The following AGO2 variants were observed in gnomAD, a reference collection of about 807,000 sequenced individuals.
The protein encoded by AGO2 is argonaute RISC catalytic component 2, also known as protein argonaute-2.
In AGO2, 5 loss-of-function variants were observed where a neutral mutation model predicts 102.3. The ratio of observed to expected loss-of-function variants is 0.05; its 90% CI spans 0.03 to 0.10. The LOEUF (loss-of-function observed/expected upper bound fraction) is 0.10, where lower values mean the gene tolerates loss of function less well. Ranked by LOEUF, AGO2 falls within the 10% of genes least tolerant of loss-of-function variation. AGO2 has a pLI of 1.00. For synonymous variants in AGO2, 449 were observed against 473.1 expected (o/e 0.95, Z 0.66); for missense variants, 541 against 1,183.7 (o/e 0.46, Z 7.97).
intron 10 of AGO2, among the ~76,000 whole-genome samples, chr8:140,554,745 G>A (rs569368799): frequency 6.6e-6 from 1 of 152,052 alleles, no homozygotes; most frequent in Admixed American, 6.5e-5. Flanking sequence ...AGGCTTGAGT[G>A]CAGTGGTGTG....
At chr8:140,603,995 T>C (rs2073962781) in intron 1 of AGO2, among the ~76,000 whole-genome samples, 1 of 152,234 alleles carries the variant, frequency 6.6e-6, no homozygotes, top group Admixed American at 6.5e-5. Flanking sequence ...AGGAGCTGCA[T>C]GGAGTGGTCC....
intron 13 of AGO2, among the ~76,000 whole-genome samples, chr8:140,544,909 C>G (rs1263999299): frequency 6.6e-6 from 1 of 152,214 alleles, no homozygotes; most frequent in East Asian, 1.9e-4. Context: ...GGGGCAAGGA[C>G]AGGCATGTGG....
chr8:140,619,699 G>T (rs1317076805), intron 1 of AGO2, among the ~76,000 whole-genome samples: 1 of 152,140 alleles, frequency 6.6e-6, no homozygotes, highest in Non-Finnish European at 1.5e-5. Context: ...GTCTCGCAGG[G>T]GTGCGGGCCG....
rs1218879978 is a variant in AGO2 at position 140,522,067 on chromosome 8, A to G, written c.*9977T>C. On this transcript the variant is annotated 3_prime_UTR_variant, in exon 19 of 19. Coordinates refer to ENST00000220592, the MANE Select transcript of AGO2 (RefSeq NM_012154.5). ...AATACACTGTAGCAGTTGGCTGGGG[A>G]AAAGTCTATCAAATTCCATGACCAA... is the stretch of plus-strand genomic sequence containing the variant. 2.6e-5 allele frequency: 4 copies of G among 152,100 alleles called. No homozygotes were observed. The highest frequency in any genetic ancestry group is 5.9e-5 in the Non-Finnish European group (4 of 68,016). The allele number at this position is 152,100 out of a possible 1,614,324, so 9.4% of individuals were successfully genotyped here.
At chr8:140,595,980 T>A (rs1358118243) in intron 1 of AGO2, among the ~76,000 whole-genome samples, 13 of 126,776 alleles carry the variant, frequency 1.0e-4, no homozygotes, top group African/African-American at 3.6e-4. Flanking sequence ...ATATATATTA[T>A]ATAATATATA....
In AGO2 at chr8:140,557,771, G is replaced by A. The variant is rs1479622183; in HGVS notation, c.879-535C>T. Among the ~76,000 whole-genome samples the A allele has an allele frequency of 2.0e-5, 3 of 152,204 alleles. No individual in the cohort carries two copies. The highest frequency in any genetic ancestry group is 7.2e-5 in the African/African-American group (3 of 41,452). ...GGGGATGAGGGCACGGGGGCTGCTAGTGCAGGGCAAAGGGCCACGTGGCTC... is the reference window on the plus strand; with the variant it reads ...GGGGATGAGGGCACGGGGGCTGCTAATGCAGGGCAAAGGGCCACGTGGCTC... On this transcript the variant is annotated intron_variant, in intron 7 of 18. Transcript: ENST00000220592. This position sits in a 1 kb window ranked among gnomAD's most constrained non-coding sequence, Gnocchi z 5.9.
intron 4 of AGO2, among the ~76,000 whole-genome samples, chr8:140,562,223 T>C (rs971041992): frequency 1.3e-5 from 2 of 152,152 alleles, no homozygotes; most frequent in African/African-American, 4.8e-5. Context: ...TGCACACAAA[T>C]AGGGAGGCCA....
rs760160670 is a variant in AGO2, at chr8:140,520,360, GAAACA to G, written c.*11679_*11683del. On this transcript the variant is annotated 3_prime_UTR_variant, in exon 19 of 19. Coordinates refer to ENST00000220592, the MANE Select transcript of AGO2 (RefSeq NM_012154.5). ...GTATTAGTTTATATACACACAGTAA[GAAACA>G]AAACAAGTAACTGTTAGGTTTTCCA... is the stretch of plus-strand genomic sequence containing the variant. 1 of 152,160 alleles carries G rather than the reference GAAACA, an allele frequency of 6.6e-6. No homozygotes were observed. Among genetic ancestry groups the G allele is most frequent in the Non-Finnish European group, 1.5e-5 (1 of 68,016 alleles). The allele number at this position is 152,160 out of a possible 1,614,324, so 9.4% of individuals were successfully genotyped here.
chr8:140,641,108 C>A, the AGO2 span, among the ~76,000 whole-genome samples: 1 of 152,114 alleles, frequency 6.6e-6, no homozygotes, highest in Non-Finnish European at 1.5e-5. Flanking sequence ...GTGTGGGCAA[C>A]AGAGTGGGAC....
At chr8:140,568,945 C>T (rs1427064126) in intron 3 of AGO2, among the ~76,000 whole-genome samples, 2 of 152,186 alleles carry the variant, frequency 1.3e-5, no homozygotes, top group Admixed American at 6.5e-5. Flanking sequence ...GATGCTTGCG[C>T]CAGGCCCAGG....
chr8:140,628,935 A>C (rs948242908), intron 1 of AGO2, among the ~76,000 whole-genome samples: 23 of 151,900 alleles, frequency 1.5e-4, no homozygotes, highest in Non-Finnish European at 2.2e-4. Flanking sequence ...AAAAATACAA[A>C]AAAAAAATTT....
In AGO2 at chr8:140,557,055, G is replaced by A; in HGVS notation, c.1026+34C>T. 6.3e-7 allele frequency: 1 copy of A among 1,590,202 alleles called. No individual in the cohort carries two copies. The highest frequency in any genetic ancestry group is 8.6e-7 in the Non-Finnish European group (1 of 1,166,178). ...CCAGCCTGGGACGCCGCCCTCCCAA[G>A]CCCCCAGAGACACACAGGAAGAGGG... On this transcript the variant is annotated intron_variant, in intron 8 of 18. Coordinates refer to ENST00000220592, the MANE Select transcript of AGO2 (RefSeq NM_012154.5). The surrounding 1 kb of genome is among the most constrained non-coding windows in gnomAD (Gnocchi z 5.9).
Position 140,539,567 on chromosome 8 carries a change from A to G in AGO2, c.2035-113T>C. 1.5e-6 allele frequency: 2 copies of G among 1,293,078 alleles called. No individual in the cohort carries two copies. The highest frequency in any genetic ancestry group is 1.4e-5 in the South Asian group (1 of 70,290). The allele number at this position is 1,293,078 out of a possible 1,614,324, so 80.1% of individuals were successfully genotyped here. A position where few individuals can be genotyped will look rare whatever the true frequency, so the allele number is the denominator to read the frequency against. ...CCCAGCCGTGGTGATTCTGAGAGACAATGAGTGTGTTCACGGGGAGGTGAA... is the reference window on the plus strand; with the variant it reads ...CCCAGCCGTGGTGATTCTGAGAGACGATGAGTGTGTTCACGGGGAGGTGAA... On this transcript the variant is annotated intron_variant, in intron 15 of 18. Coordinates refer to ENST00000220592, the MANE Select transcript of AGO2 (RefSeq NM_012154.5). The surrounding 1 kb of genome is among the most constrained non-coding windows in gnomAD (Gnocchi z 4.7).
chr8:140,551,392 C>T lies in AGO2; in HGVS notation c.1314G>A (p.Arg438=), dbSNP rs1320238120. ...ATPVQGVWDM[R]NKQFHTGIEI... ...CGATGCCCGTGTGGAACTGCTTGTT[C>T]CGCATGTCCCAGACGCCCTGGACAG... Residue 438 remains arginine, a synonymous_variant, in exon 11 of 19, where the codon CGG becomes CGA. Coordinates refer to ENST00000220592, the MANE Select transcript of AGO2 (RefSeq NM_012154.5). 6.3e-7 allele frequency: 1 copy of T among 1,596,482 alleles called. No individual in the cohort carries two copies. Among genetic ancestry groups the T allele is most frequent in the East Asian group, 2.3e-5 (1 of 44,120 alleles).
At chr8:140,575,431 C>T (rs568313107) in intron 2 of AGO2, among the ~76,000 whole-genome samples, 1 of 152,318 alleles carries the variant, frequency 6.6e-6, no homozygotes, top group Non-Finnish European at 1.5e-5. Context: ...TCTGCACTCT[C>T]CAAACATTAC....
chr8:140,585,529 T>C (rs2073642953), intron 1 of AGO2, among the ~76,000 whole-genome samples: 1 of 152,224 alleles, frequency 6.6e-6, no homozygotes, highest in Non-Finnish European at 1.5e-5. Flanking sequence ...GCTATGTCCA[T>C]TCCTGTTCTT....
Position 140,539,992 on chromosome 8 carries a change from A to G in AGO2, c.2035-538T>C, listed in dbSNP as rs2072766630. Among the ~76,000 whole-genome samples the G allele has an allele frequency of 6.6e-6, 1 of 152,198 alleles. No individual in the cohort carries two copies. On this transcript the variant is annotated intron_variant, in intron 15 of 18. Coordinates refer to ENST00000220592, the MANE Select transcript of AGO2 (RefSeq NM_012154.5). This position sits in a 1 kb window ranked among gnomAD's most constrained non-coding sequence, Gnocchi z 4.7. Reference sequence around the variant, plus strand: ...GTAATCCCAGCTACTCCGGAGGCAGAGGCAGGAGAACTGCTTGAACCCGGG... The same window carrying G: ...GTAATCCCAGCTACTCCGGAGGCAGGGGCAGGAGAACTGCTTGAACCCGGG...
rs1446805415 is a variant in AGO2, at chr8:140,539,320, C to T, written c.2169G>A (p.Arg723=). The T allele has an allele frequency of 4.4e-6, 7 of 1,601,224 alleles. No individual in the cohort carries two copies. In the East Asian group the frequency reaches 9.0e-5, roughly 20 times the overall value. ...TRLFCTDKNE[R]VGKSGNIPAG... ...TGCCTGGAGTCATGCAGAAACTCAC[C>T]CGCTCGTTCTTGTCAGTGCAGAAGA... The change falls in exon 16 of 19, where the codon CGG becomes CGA. Residue 723 remains arginine, a splice_region_variant and synonymous_variant. Coordinates refer to ENST00000220592, the MANE Select transcript of AGO2 (RefSeq NM_012154.5). This position sits in a 1 kb window ranked among gnomAD's most constrained non-coding sequence, Gnocchi z 4.7.
chr8:140,572,695 T>G, intron 3 of AGO2, 117 bp downstream of exon 3: 1 of 1,411,150 alleles, frequency 7.1e-7, no homozygotes, highest in Non-Finnish European at 9.5e-7. Context: ...AGTGAACTGC[T>G]CTCTCCTCCT....
Sources: gnomAD v4.1 joint callset for allele counts (sites outside exome capture counted in the v4.1 genomes callset) on GRCh38, gnomAD v4.1.1 for gene constraint, Gnocchi (gnomAD v3.1) non-coding constraint, MANE v1.5 for transcripts, NCBI Gene and HGNC (gene_info 2026-07-23, HGNC 2026-07-21) for gene names.